The following SP100 variants were observed in gnomAD, a reference collection of about 807,000 sequenced individuals.
SP100 encodes nuclear autoantigen Sp-100.
In SP100, 84 loss-of-function variants were observed where a neutral mutation model predicts 130.0. The ratio of observed to expected loss-of-function variants is 0.65; its 90% confidence interval spans 0.54 to 0.77. The LOEUF is 0.77. Among genes scored for constraint, SP100 ranks in the 30% least tolerant of loss-of-function variants. The pLI is 0.00. For synonymous variants in SP100, 331 were observed against 351.7 expected, an observed-to-expected ratio of 0.94 and a Z score of 0.66; for missense variants, 978 against 1,052.2, an observed-to-expected ratio of 0.93 and a Z score of 0.97.
chr2:230,533,806 G>A (rs184511106), intron 24 of SP100, among the ~76,000 whole-genome samples: 11 of 152,292 alleles, frequency 7.2e-5, no homozygotes, highest in Admixed American at 3.9e-4. Context: ...TTTTCCTGGA[G>A]CATTAATCGG....
chr2:230,503,827 G>A (rs974850972), intron 20 of SP100, among the ~76,000 whole-genome samples: 13 of 152,184 alleles, frequency 8.5e-5, no homozygotes, highest in African/African-American at 2.7e-4. Context: ...GGGGAGATGA[G>A]GCTAAAATTT....
At chr2:230,456,910 C>T (rs2064299687) in intron 8 of SP100, among the ~76,000 whole-genome samples, 1 of 152,180 alleles carries the variant, frequency 6.6e-6, no homozygotes, top group Admixed American at 6.5e-5. Context: ...TTTGTTATCT[C>T]CATTACTTTG....
At chr2:230,496,759 G>C (rs1347205178) in intron 18 of SP100, among the ~76,000 whole-genome samples, 1 of 152,128 alleles carries the variant, frequency 6.6e-6, no homozygotes, top group Non-Finnish European at 1.5e-5. Context: ...CAGTCTCCCA[G>C]CTCTGGGAGG....
At chr2:230,417,470 AT>A (rs2062635355) in intron 1 of SP100, 120 bp from the exon 2 acceptor site, 1 of 1,253,548 alleles carries the variant, frequency 8.0e-7, no homozygotes. Context: ...CAATGATTAT[AT>A]ATTTCTTTTT....
At chr2:230,456,120 T>A (rs10933337) in intron 8 of SP100, among the ~76,000 whole-genome samples, 36,368 of 152,132 alleles carry the variant, frequency 0.24, 4,627 homozygotes, top group Non-Finnish European at 0.29. Context: ...CATCTTTTGT[T>A]TTCCCGGGAC....
At chr2:230,492,859 T>C (rs1389593645) in intron 17 of SP100, among the ~76,000 whole-genome samples, 1 of 152,240 alleles carries the variant, frequency 6.6e-6, no homozygotes, top group Non-Finnish European at 1.5e-5. Context: ...GCTCATTCTT[T>C]GTTTCTAGAA....
At chr2:230,513,383 C>T (rs1690730651) in intron 24 of SP100, among the ~76,000 whole-genome samples, 1 of 152,162 alleles carries the variant, frequency 6.6e-6, no homozygotes, top group African/African-American at 2.4e-5. Flanking sequence ...ATTTGAGAGA[C>T]TCATGATAAG....
intron 8 of SP100, among the ~76,000 whole-genome samples, chr2:230,457,113 A>G (rs1292975053): frequency 6.6e-6 from 1 of 152,250 alleles, no homozygotes; most frequent in African/African-American, 2.4e-5. Flanking sequence ...CTGGCATGGT[A>G]CAAGGGCAGG....
intron 22 of SP100, chr2:230,506,914 G>A (rs1575771212): frequency 1.3e-5 from 2 of 153,180 alleles, no homozygotes. Flanking sequence ...ATTCTTGTAA[G>A]AGAATATAAA....
intron 18 of SP100, among the ~76,000 whole-genome samples, chr2:230,495,308 C>A (rs2066605958): frequency 6.6e-6 from 1 of 152,044 alleles, no homozygotes; most frequent in Admixed American, 6.6e-5. Context: ...GCCTGAGAAA[C>A]ACGGGGTTAT....
In SP100 at chr2:230,544,662, G is replaced by A. The variant is rs556905051; in HGVS notation, c.*1716G>A. Among the ~76,000 whole-genome samples, 1 of 152,196 alleles carries A rather than the reference G, an allele frequency of 6.6e-6. No homozygotes were observed. Among genetic ancestry groups the A allele is most frequent in the East Asian group, 1.9e-4 (1 of 5,188 alleles). On this transcript the variant is annotated 3_prime_UTR_variant, in exon 29 of 29. Coordinates refer to ENST00000340126, the MANE Select transcript of SP100 (RefSeq NM_001080391.2). ...ACCACCTGACTGATTTTGTATTTTA[G>A]TAGAGACGGGGTTTCTCCACATTGG...
In SP100 at chr2:230,530,745, CA is replaced by C. The variant is rs1575812501; in HGVS notation, c.2095-8517del. Among the ~76,000 whole-genome samples, 3 of 152,206 alleles carry C rather than the reference CA, an allele frequency of 2.0e-5. No homozygotes were observed. In the East Asian group the frequency reaches 5.8e-4, roughly 29 times the overall value. ...ACTTTACAAGAAAAAACAACCCCATCAAAAAGTGGGCAAAGGATATGAACAG... is the reference window on the plus strand; with the variant it reads ...ACTTTACAAGAAAAAACAACCCCATCAAAAGTGGGCAAAGGATATGAACAG... On this transcript the variant is annotated intron_variant, in intron 24 of 28. Transcript: ENST00000340126.
At chr2:230,482,543 T>C (rs897461643) in intron 17 of SP100, among the ~76,000 whole-genome samples, 6 of 152,102 alleles carry the variant, frequency 3.9e-5, no homozygotes, top group Non-Finnish European at 7.3e-5. Context: ...TTATTTTTTT[T>C]CTCATTTGGA....
chr2:230,470,534 T>C (rs1441636935), intron 15 of SP100: 3 of 514,372 alleles, frequency 5.8e-6, no homozygotes, highest in African/African-American at 4.1e-5. Flanking sequence ...TCTCAAACGT[T>C]AGTATAGTTT....
At position 230,482,172 on chromosome 2, in the gene SP100, TA is replaced by T. The variant is rs758564887; in HGVS notation, c.1600+7726del. Among the ~76,000 whole-genome samples, 11 of 152,348 alleles carry T rather than the reference TA, an allele frequency of 7.2e-5. No individual in the cohort carries two copies. The South Asian group carries it at 2.1e-3, about 29-fold the overall frequency. ...ATTGGTCTGTTTTATCATTTATAATTATTTTTTTAATCTTGTTTAAGAAATC... is the reference window on the plus strand; with the variant it reads ...ATTGGTCTGTTTTATCATTTATAATTTTTTTTTAATCTTGTTTAAGAAATC... On this transcript the variant is annotated intron_variant, in intron 17 of 28. Transcript: ENST00000340126.
At position 230,452,841 on chromosome 2, in the gene SP100, GGAGTCTTC is replaced by G. The variant is rs1375411662; in HGVS notation, c.820+2588_820+2595del. ...CAGTTTTTTTTTTTTTTTTTTTGGTGGAGTCTTCGGGATTTTGTATATATAAGATCAGG... is the reference window on the plus strand; with the variant it reads ...CAGTTTTTTTTTTTTTTTTTTTGGTGGGGATTTTGTATATATAAGATCAGG... On this transcript the variant is annotated intron_variant, in intron 8 of 28. Transcript: ENST00000340126. Among the ~76,000 whole-genome samples, 23 of 128,492 alleles carry G rather than the reference GGAGTCTTC, an allele frequency of 1.8e-4. No homozygotes were observed. In the Admixed American group the frequency reaches 1.8e-3, roughly 10 times the overall value. 84.3% of individuals were successfully genotyped at this position (128,492 alleles called of 152,430 possible).
In SP100 at chr2:230,534,707, G is replaced by T. The variant is rs137962302; in HGVS notation, c.2095-4560G>T. Among the ~76,000 whole-genome samples, 624 of 152,272 alleles carry T rather than the reference G, an allele frequency of 4.1e-3. 5 individuals carry two copies. Among genetic ancestry groups the T allele is most frequent in the African/African-American group, 0.014 (575 of 41,534 alleles). ...TGGGTTATATTTATATAGATGTGTT[G>T]TTAATATGTGTTCCAGGATTGTATG... On this transcript the variant is annotated intron_variant, in intron 24 of 28. Coordinates refer to ENST00000340126, the MANE Select transcript of SP100 (RefSeq NM_001080391.2).
intron 16 of SP100, 141 bp from the exon 17 acceptor site, chr2:230,474,253 T>C (rs2065421782): frequency 6.9e-6 from 4 of 582,708 alleles, no homozygotes; most frequent in South Asian, 2.2e-5. Context: ...TCAGTGTCTG[T>C]TTCCTTTGGA....
intron 5 of SP100, 118 bp from the exon 6 acceptor site, chr2:230,448,970 A>T: frequency 2.7e-6 from 2 of 731,706 alleles, no homozygotes; most frequent in Non-Finnish European, 5.0e-6. Context: ...TGGCCTTTGC[A>T]TTGAGACCTA....
Sources: allele counts gnomAD v4.1 joint callset (sites outside exome capture counted in the v4.1 genomes callset), GRCh38; gene constraint gnomAD v4.1.1; transcripts MANE v1.5; gene names NCBI Gene and HGNC (gene_info 2026-07-23, HGNC 2026-07-21).